CELF4: variants seen among roughly 807,000 people sequenced by gnomAD.
CELF4 encodes CUGBP Elav-like family member 4.
In CELF4, 18 loss-of-function variants were observed where a neutral mutation model predicts 59.9. The ratio of observed to expected loss-of-function variants is 0.30; its 90% CI spans 0.21 to 0.45. CELF4 has a LOEUF of 0.45. Ranked by LOEUF, CELF4 falls within the 20% of genes least tolerant of loss-of-function variation. The pLI, the probability that CELF4 is intolerant of heterozygous loss-of-function variation, is 1.00. For missense variants in CELF4, 456 were observed against 689.0 expected, an observed-to-expected ratio of 0.66 and a Z score of 3.79; for synonymous variants, 261 against 267.1, an observed-to-expected ratio of 0.98 and a Z score of 0.22.
rs1392156313 is a variant in CELF4 at position 37,251,630 on chromosome 18, C to T, written c.*44+2137G>A. On this transcript the variant is annotated intron_variant, in intron 12 of 12. Transcript: ENST00000420428. ...AGCCCAAAGAGGACAAGCACCCTAA[C>T]CCAGGTCACACCTTAATGGCAGAGC... is the stretch of plus-strand genomic sequence containing the variant. Among the ~76,000 whole-genome samples the T allele has an allele frequency of 2.6e-5, 4 of 152,168 alleles. No individual in the cohort carries two copies. In the East Asian group the frequency reaches 7.7e-4, roughly 29 times the overall value.
At chr18:37,384,013 G>T (rs1032847100) in intron 2 of CELF4, among the ~76,000 whole-genome samples, 9 of 152,182 alleles carry the variant, frequency 5.9e-5, no homozygotes. Flanking sequence ...TGCACTGACG[G>T]CTCCTCCACT....
intron 1 of CELF4, among the ~76,000 whole-genome samples, chr18:37,552,920 G>A (rs1018252126): frequency 3.9e-5 from 6 of 152,208 alleles, no homozygotes; most frequent in South Asian, 4.1e-4. Flanking sequence ...CTGTTGTGAC[G>A]TGGTCTGCCC....
At chr18:37,466,699 A>G (rs2099809983) in intron 2 of CELF4, among the ~76,000 whole-genome samples, 1 of 152,152 alleles carries the variant, frequency 6.6e-6, no homozygotes, top group Admixed American at 6.5e-5. Flanking sequence ...CCTCAAAGAG[A>G]GCACAGTCTA....
intron 2 of CELF4, among the ~76,000 whole-genome samples, chr18:37,440,770 T>A (rs2099710210): frequency 6.6e-6 from 1 of 152,110 alleles, no homozygotes. Flanking sequence ...AATCACCTAC[T>A]CATCCACCTA....
At chr18:37,444,729 T>C (rs1420184768) in intron 2 of CELF4, among the ~76,000 whole-genome samples, 1 of 150,470 alleles carries the variant, frequency 6.6e-6, no homozygotes, top group Admixed American at 6.6e-5. Flanking sequence ...GGGTATGGGG[T>C]GTTTCTCTGC....
intron 3 of CELF4, among the ~76,000 whole-genome samples, chr18:37,283,212 C>A (rs1213063348): frequency 1.3e-5 from 2 of 151,872 alleles, no homozygotes; most frequent in African/African-American, 4.8e-5. Flanking sequence ...CATCCCTCCT[C>A]CTTCTACCCT....
chr18:37,253,195 C>T lies in CELF4; in HGVS notation c.*44+572G>A, dbSNP rs764034910. Among the ~76,000 whole-genome samples, 1 of 152,178 alleles carries T rather than the reference C, an allele frequency of 6.6e-6. No homozygotes were observed. The highest frequency in any genetic ancestry group is 1.5e-5 in the Non-Finnish European group (1 of 68,038). ...GATCTCAGTGCTGTACCATCACCCT[C>T]CTCAGCTTTCATCCCATCCTGCTTT... On this transcript the variant is annotated intron_variant, in intron 12 of 12. Transcript: ENST00000420428. The surrounding 1 kb of genome is among the most constrained non-coding windows in gnomAD (Gnocchi z 4.5).
intron 2 of CELF4, among the ~76,000 whole-genome samples, chr18:37,384,935 G>A (rs966890451): frequency 2.0e-5 from 3 of 152,296 alleles, no homozygotes; most frequent in South Asian, 4.1e-4. Context: ...TAATGAGTAC[G>A]GAACCATACG....
At chr18:37,420,688 C>G (rs1018748372) in intron 2 of CELF4, among the ~76,000 whole-genome samples, 1 of 152,208 alleles carries the variant, frequency 6.6e-6, no homozygotes, top group East Asian at 1.9e-4. Context: ...GGCCTGGAAC[C>G]TGGCTAGTGG....
At chr18:37,425,762 C>T (rs1036972027) in intron 2 of CELF4, among the ~76,000 whole-genome samples, 2 of 152,264 alleles carry the variant, frequency 1.3e-5, no homozygotes, top group African/African-American at 4.8e-5. Context: ...GAAACTACAG[C>T]TGCTTGGCGA....
chr18:37,264,912 G>A lies in CELF4; in HGVS notation c.1166-155C>T, dbSNP rs2076659092. ...GGACAAAGCCAGCTTTCAGTTCCCA[G>A]ACTAACAGAGGAGTTGCAAGGTGAA... is the stretch of plus-strand genomic sequence containing the variant. On this transcript the variant is annotated intron_variant, in intron 9 of 12. Coordinates refer to ENST00000420428, the MANE Select transcript of CELF4 (RefSeq NM_020180.4). Among the ~76,000 whole-genome samples, 4 of 152,238 alleles carry A rather than the reference G, an allele frequency of 2.6e-5. No homozygotes were observed. In the South Asian group the frequency reaches 8.3e-4, roughly 32 times the overall value.
intron 1 of CELF4, among the ~76,000 whole-genome samples, chr18:37,534,624 T>C (rs767224587): frequency 6.6e-6 from 1 of 152,184 alleles, no homozygotes; most frequent in Non-Finnish European, 1.5e-5. Context: ...ATTCCTGCAT[T>C]CAACCGACGA....
chr18:37,488,705 C>T (rs1434897611), intron 1 of CELF4, among the ~76,000 whole-genome samples: 2 of 152,210 alleles, frequency 1.3e-5, no homozygotes, highest in Admixed American at 1.3e-4. Flanking sequence ...ACTGCAGCTC[C>T]TGACTCCTCC....
intron 2 of CELF4, among the ~76,000 whole-genome samples, chr18:37,442,439 C>T (rs757144859): frequency 1.3e-5 from 2 of 152,118 alleles, no homozygotes; most frequent in Non-Finnish European, 2.9e-5. Flanking sequence ...GCAGAAATGG[C>T]CCATTTGCAA....
intron 2 of CELF4, among the ~76,000 whole-genome samples, chr18:37,444,459 A>T (rs2099742171): frequency 6.6e-6 from 1 of 152,070 alleles, no homozygotes; most frequent in Non-Finnish European, 1.5e-5. Flanking sequence ...GCTGGACTCC[A>T]TTTATGGTGA....
intron 2 of CELF4, among the ~76,000 whole-genome samples, chr18:37,358,174 C>T (rs994981972): frequency 1.3e-5 from 2 of 152,072 alleles, no homozygotes; most frequent in Non-Finnish European, 2.9e-5. Context: ...CCAAATCTCA[C>T]CTTGAATTCC....
chr18:37,291,673 C>CT (rs1310124922), intron 3 of CELF4, among the ~76,000 whole-genome samples: 4 of 152,170 alleles, frequency 2.6e-5, no homozygotes, highest in African/African-American at 9.7e-5. Context: ...TTGTAGAATC[C>CT]TTTCAGCAGC....
chr18:37,508,909 TG>T, intron 1 of CELF4, among the ~76,000 whole-genome samples: 1 of 152,346 alleles, frequency 6.6e-6, no homozygotes. Flanking sequence ...ATCTCTGCTG[TG>T]GCAGCTCAGC....
intron 2 of CELF4, among the ~76,000 whole-genome samples, chr18:37,369,374 A>G (rs2098830571): frequency 6.6e-6 from 1 of 152,010 alleles, no homozygotes; most frequent in African/African-American, 2.4e-5. Context: ...CTTCTAGAGG[A>G]TTGGCTCTCT....
Sources: allele counts gnomAD v4.1 joint callset (sites outside exome capture counted in the v4.1 genomes callset), GRCh38; gene constraint gnomAD v4.1.1; non-coding constraint Gnocchi (gnomAD v3.1); transcripts MANE v1.5; gene names NCBI Gene and HGNC (gene_info 2026-07-23, HGNC 2026-07-21).